The following LRBA variants were observed in gnomAD, a reference collection of about 807,000 sequenced individuals.
LRBA encodes LPS responsive beige-like anchor protein.
A neutral mutation model predicts 330.0 loss-of-function variants in LRBA; 176 were observed. The observed-to-expected ratio is 0.53, with a 90% confidence interval of 0.47 to 0.60. The LOEUF is 0.60. Ranked by LOEUF, LRBA falls within the 20% of genes least tolerant of loss-of-function variation. The probability of loss-of-function intolerance (pLI) is 0.00; values close to 1 mark genes in which losing one functional copy is unlikely to be tolerated. For missense variants in LRBA, 3,259 were observed against 3,444.8 expected (o/e 0.95, Z 1.35); for synonymous variants, 1,230 against 1,193.0 (o/e 1.03, Z -0.64).
At chr4:150,326,916 T>C (rs1401100934) in intron 48 of LRBA, among the ~76,000 whole-genome samples, 2 of 151,916 alleles carry the variant, frequency 1.3e-5, no homozygotes, top group East Asian at 3.9e-4. Context: ...CAAAAGGAAG[T>C]GAGGTAGGGA....
At chr4:150,621,693 C>T (rs1227125831) in intron 37 of LRBA, among the ~76,000 whole-genome samples, 1 of 152,162 alleles carries the variant, frequency 6.6e-6, no homozygotes, top group African/African-American at 2.4e-5. Context: ...ATACACTTGC[C>T]TGTATGTTCA....
At chr4:150,287,117 G>C (rs1020154741) in intron 53 of LRBA, among the ~76,000 whole-genome samples, 1 of 152,180 alleles carries the variant, frequency 6.6e-6, no homozygotes. Flanking sequence ...TGTGCCCACA[G>C]AGTAAGTGGC....
chr4:150,741,308 T>C (rs1338925070), intron 35 of LRBA, among the ~76,000 whole-genome samples: 1 of 152,054 alleles, frequency 6.6e-6, no homozygotes, highest in Non-Finnish European at 1.5e-5. Flanking sequence ...AAAAGCCTCT[T>C]ACAAATAAAA....
At chr4:150,430,024 A>G (rs1193766094) in intron 46 of LRBA, among the ~76,000 whole-genome samples, 1 of 152,140 alleles carries the variant, frequency 6.6e-6, no homozygotes, top group African/African-American at 2.4e-5. Context: ...GGAGCTAAAT[A>G]TCTATGACCT....
chr4:150,942,238 C>T (rs1184242201), intron 2 of LRBA, among the ~76,000 whole-genome samples: 1 of 152,180 alleles, frequency 6.6e-6, no homozygotes, highest in African/African-American at 2.4e-5. Flanking sequence ...TTTCAGCTCA[C>T]TCTGGTTTTC....
At chr4:150,546,183 T>C (rs979023159) in intron 40 of LRBA, among the ~76,000 whole-genome samples, 4 of 152,148 alleles carry the variant, frequency 2.6e-5, no homozygotes, top group African/African-American at 9.7e-5. Context: ...CAACTAAAGG[T>C]TTCTTTAGCA....
chr4:150,373,326 G>A (rs1427792427), intron 47 of LRBA, among the ~76,000 whole-genome samples: 1 of 151,754 alleles, frequency 6.6e-6, no homozygotes, highest in African/African-American at 2.4e-5. Context: ...TTATTACATA[G>A]CAACAAACAA....
At chr4:150,904,115 TCACATCCA>T (rs2127148441) in intron 13 of LRBA, among the ~76,000 whole-genome samples, 1 of 152,336 alleles carries the variant, frequency 6.6e-6, no homozygotes, top group African/African-American at 2.4e-5. Context: ...GCAAAGCTTT[TCACATCCA>T]CACATCCAGA....
chr4:150,291,293 A>G (rs1430922715), intron 53 of LRBA, among the ~76,000 whole-genome samples: 1 of 118,390 alleles, frequency 8.4e-6, no homozygotes, highest in Non-Finnish European at 1.7e-5. Context: ...GCAACCTACA[A>G]AATGGGAGAA....
chr4:150,387,844 G>T (rs948188421), intron 47 of LRBA, among the ~76,000 whole-genome samples: 1 of 152,146 alleles, frequency 6.6e-6, no homozygotes, highest in Non-Finnish European at 1.5e-5. Context: ...AATTACTAAA[G>T]TTACCTTTGG....
chr4:150,763,942 C>T (rs1735428357), intron 34 of LRBA, among the ~76,000 whole-genome samples: 1 of 151,928 alleles, frequency 6.6e-6, no homozygotes, highest in South Asian at 2.1e-4. Context: ...AGAGATGCCA[C>T]AGCCAAACAA....
At chr4:150,551,692 G>A (rs963343079) in intron 40 of LRBA, among the ~76,000 whole-genome samples, 22 of 151,584 alleles carry the variant, frequency 1.5e-4, no homozygotes, top group African/African-American at 5.3e-4. Context: ...AAAGCAAAAA[G>A]CTTAGGAATA....
At chr4:150,279,193 T>G (rs1196837150) in intron 55 of LRBA, among the ~76,000 whole-genome samples, 1 of 152,202 alleles carries the variant, frequency 6.6e-6, no homozygotes, top group African/African-American at 2.4e-5. Flanking sequence ...TCACAGGTAG[T>G]TGCAGCAGAG....
At position 150,419,771 on chromosome 4, in the gene LRBA, G is replaced by C. The variant is rs1380015203; in HGVS notation, c.7042-4181C>G. Among the ~76,000 whole-genome samples, 3 of 150,534 alleles carry C rather than the reference G, an allele frequency of 2.0e-5. No homozygotes were observed. In the East Asian group the frequency reaches 5.9e-4, roughly 30 times the overall value. On this transcript the variant is annotated intron_variant, in intron 46 of 56. Transcript: ENST00000651943. Reference sequence around the variant, plus strand: ...TCATGCCTCAGCTTCCTTAGTAGCTGAGATTATAGGCGCCTGTAACCATAC... The same window carrying C: ...TCATGCCTCAGCTTCCTTAGTAGCTCAGATTATAGGCGCCTGTAACCATAC...
intron 40 of LRBA, among the ~76,000 whole-genome samples, chr4:150,559,917 T>G (rs1347431676): frequency 1.4e-5 from 1 of 72,650 alleles, no homozygotes; most frequent in Non-Finnish European, 2.6e-5. Context: ...ATATATAATA[T>G]ATAAATATAA....
chr4:151,011,225 G>T (rs1301437545), intron 2 of LRBA, among the ~76,000 whole-genome samples: 1 of 151,836 alleles, frequency 6.6e-6, no homozygotes. Flanking sequence ...AAGTTATATG[G>T]CTCTACCATG....
intron 52 of LRBA, among the ~76,000 whole-genome samples, chr4:150,309,984 T>A (rs1320283676): frequency 6.6e-6 from 1 of 152,336 alleles, no homozygotes; most frequent in East Asian, 1.9e-4. Flanking sequence ...ATTTATTCTG[T>A]AAGCATGAGC....
At chr4:150,835,858 G>A (rs1747967300) in intron 28 of LRBA, among the ~76,000 whole-genome samples, 1 of 152,188 alleles carries the variant, frequency 6.6e-6, no homozygotes, top group Non-Finnish European at 1.5e-5. Flanking sequence ...AGTGGTGAGA[G>A]AGGGCATCGC....
At chr4:150,599,477 C>T (rs1006476045) in intron 37 of LRBA, among the ~76,000 whole-genome samples, 1 of 152,180 alleles carries the variant, frequency 6.6e-6, no homozygotes, top group Non-Finnish European at 1.5e-5. Context: ...CAGCAGGGCA[C>T]CTTTCTCTGT....
Sources: allele counts gnomAD v4.1 joint callset (sites outside exome capture counted in the v4.1 genomes callset), GRCh38; gene constraint gnomAD v4.1.1; transcripts MANE v1.5; gene names NCBI Gene and HGNC (gene_info 2026-07-23, HGNC 2026-07-21).